The following UQCC1 variants were observed in gnomAD, a reference collection of about 807,000 sequenced individuals.
UQCC1 encodes ubiquinol-cytochrome c reductase complex assembly factor 1, also known as bFGF-repressed Zic-binding protein.
A neutral mutation model predicts 48.0 loss-of-function variants in UQCC1; 38 were observed. The ratio of observed to expected loss-of-function variants is 0.79; its 90% CI spans 0.61 to 1.04. The LOEUF (loss-of-function observed/expected upper bound fraction) is 1.04, where lower values mean the gene tolerates loss of function less well. UQCC1 is among the 50% of genes least tolerant of loss of function. UQCC1 has a pLI of 0.00. For missense variants in UQCC1, 368 were observed against 381.8 expected (o/e 0.96, Z 0.30); for synonymous variants, 111 against 129.2 (o/e 0.86, Z 0.95).
In UQCC1 at chr20:35,376,974, A is replaced by C. The variant is rs1029360735; in HGVS notation, c.334-2718T>G. On this transcript the variant is annotated intron_variant, in intron 4 of 9. Coordinates refer to ENST00000374385, the MANE Select transcript of UQCC1 (RefSeq NM_018244.5). The stretch of plus-strand genomic sequence containing the variant: ...AAAACAAAACAAAACAAAACAAAAA[A>C]AAAAAGAAAAAGAAAAGGAAAAAAG... 3.3e-4 allele frequency among the ~76,000 whole-genome samples: 50 copies of C among 152,164 alleles called. 1 individual carries two copies. Among genetic ancestry groups the C allele is most frequent in the East Asian group, 2.9e-3 (15 of 5,186 alleles).
chr20:35,321,846 AAT>A (rs2061134359), intron 7 of UQCC1, among the ~76,000 whole-genome samples: 1 of 152,226 alleles, frequency 6.6e-6, no homozygotes, highest in African/African-American at 2.4e-5. Flanking sequence ...CAGCAGCCCT[AAT>A]TTCTATATAG....
intron 7 of UQCC1, among the ~76,000 whole-genome samples, chr20:35,318,436 C>G (rs1312637879): frequency 6.6e-6 from 1 of 152,226 alleles, no homozygotes. Context: ...CAGCAAGGCC[C>G]ACAAACATAC....
At chr20:35,373,788 A>T (rs2061762939) in intron 5 of UQCC1, among the ~76,000 whole-genome samples, 4 of 151,852 alleles carry the variant, frequency 2.6e-5, no homozygotes, top group Admixed American at 2.6e-4. Context: ...GACAAGGGAG[A>T]TAATGTCAAA....
At chr20:35,396,601 G>C (rs2062082448) in intron 1 of UQCC1, among the ~76,000 whole-genome samples, 1 of 152,150 alleles carries the variant, frequency 6.6e-6, no homozygotes, top group Admixed American at 6.5e-5. Flanking sequence ...TTTGCAGTGG[G>C]AAAACACACG....
chr20:35,384,752 T>C (rs377471133), intron 2 of UQCC1: 24 of 384,848 alleles, frequency 6.2e-5, no homozygotes, highest in African/African-American at 4.1e-4. Context: ...ATGGATCACT[T>C]GAGGTCAGGA....
chr20:35,317,997 C>T (rs2061081439), intron 7 of UQCC1, among the ~76,000 whole-genome samples: 2 of 152,180 alleles, frequency 1.3e-5, no homozygotes, highest in African/African-American at 4.8e-5. Context: ...GATGAGACTA[C>T]AACTCAGACC....
chr20:35,382,661 C>T (rs555883027), intron 3 of UQCC1, among the ~76,000 whole-genome samples: 43 of 151,768 alleles, frequency 2.8e-4, no homozygotes, highest in East Asian at 1.7e-3. Flanking sequence ...AGGCACCCAC[C>T]ACCACGCCCG....
intron 6 of UQCC1, among the ~76,000 whole-genome samples, chr20:35,357,418 G>A (rs1180800568): frequency 6.6e-6 from 1 of 152,096 alleles, no homozygotes; most frequent in African/African-American, 2.4e-5. Context: ...TGCTTGGGAG[G>A]CCGAGGCAGG....
chr20:35,374,136 G>T, intron 5 of UQCC1, 48 bp downstream of exon 5: 1 of 1,458,368 alleles, frequency 6.9e-7, no homozygotes, highest in Non-Finnish European at 9.5e-7. Flanking sequence ...CCATAAAAAT[G>T]AAATGTAGAT....
rs530789675 is a variant in UQCC1 at position 35,399,345 on chromosome 20, T to C, written c.25-5149A>G. Among the ~76,000 whole-genome samples the C allele has an allele frequency of 1.9e-4, 29 of 152,338 alleles. 1 individual carries two copies. The highest frequency in any genetic ancestry group is 6.3e-4 in the African/African-American group (26 of 41,574). On this transcript the variant is annotated intron_variant, in intron 1 of 9. Coordinates refer to ENST00000374385, the MANE Select transcript of UQCC1 (RefSeq NM_018244.5). ...GCAGTGGTTTCCAAGGACCTCTTTA[T>C]TGAAACTTAAACACCTGGTCCTTAC... is the stretch of plus-strand genomic sequence containing the variant.
chr20:35,372,264 AC>A (rs2061742103), intron 5 of UQCC1, among the ~76,000 whole-genome samples: 1 of 151,108 alleles, frequency 6.6e-6, no homozygotes, highest in East Asian at 1.9e-4. Context: ...AGCCGAGATC[AC>A]ACCACTGCAG....
At chr20:35,319,828 A>G (rs2061102679) in intron 7 of UQCC1, among the ~76,000 whole-genome samples, 1 of 152,214 alleles carries the variant, frequency 6.6e-6, no homozygotes, top group Non-Finnish European at 1.5e-5. Flanking sequence ...TTTGAGGCCA[A>G]TTCGCTGCTC....
intron 8 of UQCC1, among the ~76,000 whole-genome samples, chr20:35,313,992 T>C (rs2061026243): frequency 6.6e-6 from 1 of 151,876 alleles, no homozygotes. Context: ...TGAGACGGAG[T>C]CTCACTCTGT....
chr20:35,392,441 C>T (rs368942163), intron 2 of UQCC1, among the ~76,000 whole-genome samples: 4 of 152,200 alleles, frequency 2.6e-5, no homozygotes, highest in South Asian at 2.1e-4. Context: ...ATACAGTACC[C>T]GGTACTTATT....
intron 7 of UQCC1, among the ~76,000 whole-genome samples, chr20:35,322,072 G>T (rs1211363502): frequency 1.3e-5 from 2 of 152,164 alleles, no homozygotes; most frequent in African/African-American, 2.4e-5. Flanking sequence ...CTCTTTTAGG[G>T]CATTTGAATA....
At chr20:35,400,520 G>A (rs888317827) in intron 1 of UQCC1, among the ~76,000 whole-genome samples, 5 of 150,206 alleles carry the variant, frequency 3.3e-5, no homozygotes, top group African/African-American at 1.2e-4. Context: ...TTTTGAGACG[G>A]AGTCTCGCTC....
intron 5 of UQCC1, among the ~76,000 whole-genome samples, chr20:35,369,741 T>C (rs2061708976): frequency 6.6e-6 from 1 of 152,240 alleles, no homozygotes; most frequent in African/African-American, 2.4e-5. Context: ...AGTATTAAGT[T>C]AGTAGGTACT....
intron 1 of UQCC1, among the ~76,000 whole-genome samples, chr20:35,401,300 C>T (rs2146533425): frequency 6.6e-6 from 1 of 152,288 alleles, no homozygotes. Context: ...CACATTGTGG[C>T]CTTCTCGCAC....
intron 6 of UQCC1, among the ~76,000 whole-genome samples, chr20:35,358,697 T>C (rs981407407): frequency 2.0e-5 from 3 of 152,004 alleles, no homozygotes; most frequent in Non-Finnish European, 2.9e-5. Flanking sequence ...GTAGCTGGGA[T>C]TACAGGCACC....
Sources: allele counts gnomAD v4.1 joint callset (sites outside exome capture counted in the v4.1 genomes callset), GRCh38; gene constraint gnomAD v4.1.1; transcripts MANE v1.5; gene names NCBI Gene and HGNC (gene_info 2026-07-23, HGNC 2026-07-21).